HMG20A: variants seen among roughly 807,000 people sequenced by gnomAD.
HMG20A encodes the protein high mobility group 20A, also known as high mobility group protein 20A.
Under a neutral mutation model 43.9 loss-of-function variants are expected in HMG20A, and 17 were observed. That is an observed-to-expected ratio of 0.39 (90% CI 0.27 to 0.58). The LOEUF is 0.58. Among genes scored for constraint, HMG20A ranks in the 20% least tolerant of loss-of-function variants. HMG20A has a pLI of 0.59. For synonymous variants in HMG20A, 132 were observed against 147.5 expected, an observed-to-expected ratio of 0.89 and a Z score of 0.76; for missense variants, 341 against 438.2, an observed-to-expected ratio of 0.78 and a Z score of 1.98.
At chr15:77,500,904 C>T in the HMG20A span, among the ~76,000 whole-genome samples, 8 of 152,128 alleles carry the variant, frequency 5.3e-5, no homozygotes, top group African/African-American at 1.9e-4. Flanking sequence ...TTTTGAAATC[C>T]TCTTTCCTAC....
At chr15:77,469,707 G>A (rs980950888) in intron 4 of HMG20A, among the ~76,000 whole-genome samples, 3 of 151,872 alleles carry the variant, frequency 2.0e-5, no homozygotes, top group Non-Finnish European at 4.4e-5. Flanking sequence ...TTGCTCTGTC[G>A]CCCAAACTGG....
the HMG20A span, among the ~76,000 whole-genome samples, chr15:77,495,007 A>G: frequency 6.6e-6 from 1 of 152,226 alleles, no homozygotes; most frequent in Non-Finnish European, 1.5e-5. Context: ...TACGGTTGAA[A>G]GTGGTGACCT....
rs1253790817 is a variant in HMG20A at position 77,471,011 on chromosome 15, G to T, written c.552G>T (p.Gln184His). Residue 184 changes from glutamine to histidine, a missense_variant, in exon 5 of 10, where the codon CAG becomes CAT. Gln to His is a conservative substitution (Grantham distance 24). Coordinates refer to ENST00000336216, the MANE Select transcript of HMG20A (RefSeq NM_001304504.2). ...EAYKVFSRKT[Q>H]DRQKGKSHRQ... Reference sequence around the variant, plus strand: ...ACAAGGTCTTCAGTAGGAAAACCCAGGACCGTCAGAAAGGCAAATCTCATA... The same window carrying T: ...ACAAGGTCTTCAGTAGGAAAACCCATGACCGTCAGAAAGGCAAATCTCATA... The T allele has an allele frequency of 1.2e-5, 19 of 1,612,106 alleles. No individual in the cohort carries two copies. Among genetic ancestry groups the T allele is most frequent in the Non-Finnish European group, 1.5e-5 (18 of 1,179,350 alleles).
chr15:77,516,232 T>G, the HMG20A span, among the ~76,000 whole-genome samples: 8 of 152,286 alleles, frequency 5.3e-5, no homozygotes, highest in East Asian at 1.3e-3. Context: ...CCATGGTGAA[T>G]GGCCAGCACA....
At chr15:77,510,088 C>T in the HMG20A span, among the ~76,000 whole-genome samples, 7 of 152,172 alleles carry the variant, frequency 4.6e-5, no homozygotes, top group East Asian at 1.2e-3. Flanking sequence ...CCTAGCCCCC[C>T]ACAGGGGCAT....
chr15:77,515,941 C>T, the HMG20A span, among the ~76,000 whole-genome samples: 3 of 152,078 alleles, frequency 2.0e-5, no homozygotes, highest in Admixed American at 6.6e-5. Flanking sequence ...CTGCAAGGGT[C>T]CCATGACACC....
chr15:77,519,803 C>T, the HMG20A span, among the ~76,000 whole-genome samples: 3 of 152,174 alleles, frequency 2.0e-5, no homozygotes, highest in African/African-American at 7.2e-5. Flanking sequence ...TCAGAGTGGG[C>T]AGGGTAAGGT....
In HMG20A at chr15:77,471,167, A is replaced by G. The variant is rs1567405207; in HGVS notation, c.583+125A>G. 3 of 883,902 alleles carry G rather than the reference A, an allele frequency of 3.4e-6. No individual in the cohort carries two copies. In the South Asian group the frequency reaches 8.5e-5, roughly 25 times the overall value. 54.8% of individuals were successfully genotyped at this position (883,902 alleles called of 1,614,324 possible). A position where few individuals can be genotyped will look rare whatever the true frequency, so the allele number is the denominator to read the frequency against. ...GTTTTTTCTCCACTATCCAGTATTC[A>G]CTTACAAGCATTATCTTGAAATTTT... On this transcript the variant is annotated intron_variant, in intron 5 of 9. Transcript: ENST00000336216.
At chr15:77,469,254 C>T (rs62007337) in intron 4 of HMG20A, among the ~76,000 whole-genome samples, 11,803 of 147,414 alleles carry the variant, frequency 0.08, 989 homozygotes, top group Non-Finnish European at 0.11. Flanking sequence ...ATACAAACAG[C>T]CTGTTTTACA....
At position 77,433,369 on chromosome 15, in the gene HMG20A, A is replaced by C. The variant is rs543472714; in HGVS notation, c.-5+12365A>C. Reference sequence around the variant, plus strand: ...AAAAAAAAAAAAAAAAAATTTCTTCAAAGAAAACCAGGTCTACCTGACTTC... The same window carrying C: ...AAAAAAAAAAAAAAAAAATTTCTTCCAAGAAAACCAGGTCTACCTGACTTC... On this transcript the variant is annotated intron_variant, in intron 1 of 9. Transcript: ENST00000336216. Among the ~76,000 whole-genome samples the C allele has an allele frequency of 5.8e-4, 87 of 151,148 alleles. No individual in the cohort carries two copies. The South Asian group carries it at 0.017, about 30-fold the overall frequency.
At chr15:77,471,079 T>C (rs770186095) in intron 5 of HMG20A, 37 bp downstream of exon 5, 14 of 1,595,946 alleles carry the variant, frequency 8.8e-6, no homozygotes, top group African/African-American at 2.7e-5. Context: ...TGTAGTTTGT[T>C]GTGGGTGATG....
At chr15:77,501,267 T>C in the HMG20A span, among the ~76,000 whole-genome samples, 1 of 152,224 alleles carries the variant, frequency 6.6e-6, no homozygotes, top group Non-Finnish European at 1.5e-5. Context: ...AAGACTTGTT[T>C]GCATCACCTC....
the HMG20A span, among the ~76,000 whole-genome samples, chr15:77,511,042 T>A: frequency 6.6e-6 from 1 of 152,168 alleles, no homozygotes; most frequent in African/African-American, 2.4e-5. Context: ...GGTGGCCAAG[T>A]GAGGGCAGTA....
chr15:77,467,613 T>G (rs2072768877), intron 4 of HMG20A, among the ~76,000 whole-genome samples: 1 of 152,204 alleles, frequency 6.6e-6, no homozygotes, highest in South Asian at 2.1e-4. Context: ...GTCAATAAAA[T>G]GTATTCCACT....
intron 6 of HMG20A, among the ~76,000 whole-genome samples, chr15:77,476,303 G>A (rs936817740): frequency 7.9e-5 from 12 of 152,160 alleles, no homozygotes; most frequent in African/African-American, 1.9e-4. Flanking sequence ...CCAACATGGC[G>A]AAACCCCGTC....
At chr15:77,459,035 T>C (rs1048458306) in intron 2 of HMG20A, among the ~76,000 whole-genome samples, 1 of 152,350 alleles carries the variant, frequency 6.6e-6, no homozygotes, top group African/African-American at 2.4e-5. Flanking sequence ...AAAATCTCTG[T>C]TCCACTTGAA....
chr15:77,443,153 C>T (rs1273820683), intron 1 of HMG20A, among the ~76,000 whole-genome samples: 1 of 150,658 alleles, frequency 6.6e-6, no homozygotes. Context: ...CTTCCTCAGC[C>T]TCCAGAGTAG....
chr15:77,467,596 G>C (rs2072768564), intron 4 of HMG20A, among the ~76,000 whole-genome samples: 1 of 152,158 alleles, frequency 6.6e-6, no homozygotes, highest in African/African-American at 2.4e-5. Context: ...TCAGTATTAA[G>C]AAATCTGTCA....
At chr15:77,443,376 GATGATTATT>G (rs1288825088) in intron 1 of HMG20A, among the ~76,000 whole-genome samples, 87 of 121,228 alleles carry the variant, frequency 7.2e-4, no homozygotes, top group African/African-American at 2.4e-3. Context: ...TGATGATGAT[GATGATTATT>G]ATTATTATTA....
Sources: gnomAD v4.1 joint callset for allele counts (sites outside exome capture counted in the v4.1 genomes callset) on GRCh38, gnomAD v4.1.1 for gene constraint, MANE v1.5 for transcripts, NCBI Gene and HGNC (gene_info 2026-07-23, HGNC 2026-07-21) for gene names.